Variants in NALCN observed in about 807,000 individuals in gnomAD.
NALCN encodes the protein sodium leak channel NALCN.
NALCN carries 111 observed loss-of-function variants against 225.3 expected under a neutral mutation model. The observed-to-expected ratio is 0.49, with a 90% CI of 0.42 to 0.58. The LOEUF is 0.58. NALCN is among the 20% of genes least tolerant of loss of function. The pLI is 0.00. For missense variants in NALCN, 1,378 were observed against 2,202.4 expected, an observed-to-expected ratio of 0.63 and a Z score of 7.49; for synonymous variants, 764 against 769.0, an observed-to-expected ratio of 0.99 and a Z score of 0.11.
At chr13:101,333,191 T>C (rs763622795) in intron 7 of NALCN, among the ~76,000 whole-genome samples, 12 of 152,222 alleles carry the variant, frequency 7.9e-5, no homozygotes, top group Non-Finnish European at 1.3e-4. Flanking sequence ...CTCACTTTTC[T>C]ACTTACCTAA....
chr13:101,351,112 T>G (rs946910138), intron 6 of NALCN, among the ~76,000 whole-genome samples: 1 of 152,180 alleles, frequency 6.6e-6, no homozygotes, highest in Non-Finnish European at 1.5e-5. Flanking sequence ...ATTTTCTGAA[T>G]AAATGAATGA....
intron 15 of NALCN, among the ~76,000 whole-genome samples, chr13:101,170,978 C>T (rs1486176842): frequency 6.6e-6 from 1 of 152,084 alleles, no homozygotes; most frequent in South Asian, 2.1e-4. Context: ...ATATTCAAAC[C>T]TTGCAAAACT....
chr13:101,069,027 T>C (rs1463047205), intron 37 of NALCN, among the ~76,000 whole-genome samples, 200 bp from the exon 38 acceptor site: 1 of 152,244 alleles, frequency 6.6e-6, no homozygotes, highest in African/African-American at 2.4e-5. Flanking sequence ...TATGCTGTTA[T>C]CTTGTAGAAT....
intron 15 of NALCN, among the ~76,000 whole-genome samples, chr13:101,164,523 T>A (rs1434737811): frequency 6.6e-6 from 1 of 152,170 alleles, no homozygotes; most frequent in African/African-American, 2.4e-5. Flanking sequence ...ACTACTGGGC[T>A]CAAGCGATCC....
At chr13:101,178,830 G>A (rs1214474521) in intron 14 of NALCN, among the ~76,000 whole-genome samples, 1 of 152,188 alleles carries the variant, frequency 6.6e-6, no homozygotes, top group East Asian at 1.9e-4. Flanking sequence ...TATAAAAGAG[G>A]GAGGTATTTT....
chr13:101,349,073 A>T (rs569306981), intron 6 of NALCN, among the ~76,000 whole-genome samples: 1 of 152,220 alleles, frequency 6.6e-6, no homozygotes, highest in Admixed American at 6.6e-5. Context: ...TTCTTGCCCC[A>T]CCAGGAAAAT....
intron 15 of NALCN, among the ~76,000 whole-genome samples, chr13:101,160,660 G>T (rs1010393497): frequency 6.6e-6 from 1 of 151,850 alleles, no homozygotes; most frequent in African/African-American, 2.4e-5. Flanking sequence ...GTTTTGTTTT[G>T]TTTTTGTTTT....
intron 13 of NALCN, among the ~76,000 whole-genome samples, chr13:101,226,265 T>C (rs2140123272): frequency 6.6e-6 from 1 of 151,348 alleles, no homozygotes; most frequent in East Asian, 1.9e-4. Flanking sequence ...CAACCAGACA[T>C]CCCAATCCCA....
At chr13:101,103,428 T>C in intron 25 of NALCN, 89 bp from the exon 26 acceptor site, 1 of 1,435,366 alleles carries the variant, frequency 7.0e-7, no homozygotes, top group Non-Finnish European at 9.4e-7. Context: ...CAACTTTTCA[T>C]TTAGCAGAGA....
chr13:101,314,389 C>T (rs2044475927), intron 7 of NALCN, among the ~76,000 whole-genome samples: 2 of 151,896 alleles, frequency 1.3e-5, no homozygotes, highest in South Asian at 4.2e-4. Flanking sequence ...CAATCAGAGA[C>T]ACGGAAAACA....
chr13:101,182,923 C>T (rs1044023932), intron 14 of NALCN, among the ~76,000 whole-genome samples: 1 of 152,150 alleles, frequency 6.6e-6, no homozygotes, highest in African/African-American at 2.4e-5. Context: ...GCTTGGTGTC[C>T]ATCATATTTA....
chr13:101,389,255 C>T lies in NALCN; in HGVS notation c.291+5928G>A, dbSNP rs962484485. On this transcript the variant is annotated intron_variant, in intron 3 of 43. Coordinates refer to ENST00000251127, the MANE Select transcript of NALCN (RefSeq NM_052867.4). ...AAAACCCCAAAATCACTAATAAATA[C>T]GTGTGGAATGCTGAGCAGATATCTC... 3.3e-5 allele frequency among the ~76,000 whole-genome samples: 5 copies of T among 152,268 alleles called. No individual in the cohort carries two copies. The South Asian group carries it at 6.2e-4, about 19-fold the overall frequency.
rs1594179252 is a variant in NALCN, at chr13:101,089,188, A to C, written c.3489+475T>G. ...GCTGGGATTACAGGCGTGAGCCACC[A>C]TGCCCTGCCACAAAATCTTTTTTTC... On this transcript the variant is annotated intron_variant, in intron 30 of 43. Coordinates refer to ENST00000251127, the MANE Select transcript of NALCN (RefSeq NM_052867.4). This position sits in a 1 kb window ranked among gnomAD's most constrained non-coding sequence, Gnocchi z 4.7. Among the ~76,000 whole-genome samples, 2 of 152,130 alleles carry C rather than the reference A, an allele frequency of 1.3e-5. No individual in the cohort carries two copies. The highest frequency in any genetic ancestry group is 4.8e-5 in the African/African-American group (2 of 41,444).
intron 6 of NALCN, among the ~76,000 whole-genome samples, chr13:101,370,966 T>C (rs1342534992): frequency 2.0e-5 from 3 of 152,200 alleles, no homozygotes; most frequent in Non-Finnish European, 4.4e-5. Context: ...TAAAGATAAG[T>C]TTGCATTTTC....
chr13:101,097,317 C>T (rs1410418370), intron 27 of NALCN, among the ~76,000 whole-genome samples: 1 of 152,132 alleles, frequency 6.6e-6, no homozygotes, highest in Non-Finnish European at 1.5e-5. Context: ...ATTCTTCCAT[C>T]GCCCACTTTT....
chr13:101,106,691 G>C (rs1474267250), intron 22 of NALCN, among the ~76,000 whole-genome samples: 1 of 152,092 alleles, frequency 6.6e-6, no homozygotes, highest in Non-Finnish European at 1.5e-5. Flanking sequence ...TTTTATGAGG[G>C]GTTTCTGCTT....
At chr13:101,197,282 C>T (rs1009069645) in intron 13 of NALCN, among the ~76,000 whole-genome samples, 11 of 152,156 alleles carry the variant, frequency 7.2e-5, no homozygotes, top group African/African-American at 2.7e-4. Context: ...TGTTCTCTCT[C>T]ATTCTCTTCT....
intron 18 of NALCN, among the ~76,000 whole-genome samples, chr13:101,115,652 C>A (rs549061965): frequency 6.6e-6 from 1 of 152,200 alleles, no homozygotes; most frequent in South Asian, 2.1e-4. Context: ...GCCTTTTGGT[C>A]TCATGTAAGG....
At chr13:101,348,858 A>T (rs1302860144) in intron 6 of NALCN, among the ~76,000 whole-genome samples, 1 of 152,206 alleles carries the variant, frequency 6.6e-6, no homozygotes, top group Non-Finnish European at 1.5e-5. Flanking sequence ...ACCACAAGGT[A>T]ATTACTGTTT....
Sources: allele counts gnomAD v4.1 joint callset (sites outside exome capture counted in the v4.1 genomes callset), GRCh38; gene constraint gnomAD v4.1.1; non-coding constraint Gnocchi (gnomAD v3.1); transcripts MANE v1.5; gene names NCBI Gene and HGNC (gene_info 2026-07-23, HGNC 2026-07-21).